Variants in ADGRB1 observed in about 807,000 individuals in gnomAD.
ADGRB1 encodes adhesion G protein-coupled receptor B1.
A neutral mutation model predicts 175.7 loss-of-function variants in ADGRB1; 36 were observed. That is an observed-to-expected ratio of 0.20 (90% CI 0.16 to 0.27). The LOEUF is 0.27. Among genes scored for constraint, ADGRB1 ranks in the 10% least tolerant of loss-of-function variants. The pLI, the probability that ADGRB1 is intolerant of heterozygous loss-of-function variation, is 1.00. For synonymous variants in ADGRB1, 1,054 were observed against 979.4 expected (o/e 1.08, Z -1.42); for missense variants, 1,731 against 2,255.3 (o/e 0.77, Z 4.71).
intron 9 of ADGRB1, among the ~76,000 whole-genome samples, chr8:142,480,032 G>T (rs542571872): frequency 5.2e-4 from 79 of 152,330 alleles, no homozygotes; most frequent in African/African-American, 1.9e-3. Context: ...AACGCAAGAT[G>T]TCCACGGAGT....
Position 142,536,097 on chromosome 8 carries a change from G to A in ADGRB1, c.3571-890G>A, listed in dbSNP as rs573206502. ...CAGGGCCACAGGTCTGTGGTTGAGTGGGTGGGTAGGTAGGTGGGTGCCTGG... is the reference window on the plus strand; with the variant it reads ...CAGGGCCACAGGTCTGTGGTTGAGTAGGTGGGTAGGTAGGTGGGTGCCTGG... On this transcript the variant is annotated intron_variant, in intron 25 of 30. Coordinates refer to ENST00000517894, the MANE Select transcript of ADGRB1 (RefSeq NM_001702.3). Among the ~76,000 whole-genome samples, 256 of 152,248 alleles carry A rather than the reference G, an allele frequency of 1.7e-3. 1 individual carries two copies. Among genetic ancestry groups the A allele is most frequent in the Non-Finnish European group, 4.6e-4 (31 of 68,002 alleles).
chr8:142,533,534 T>A (rs1844749228), intron 25 of ADGRB1, 68 bp downstream of exon 25: 2 of 1,483,220 alleles, frequency 1.3e-6, no homozygotes. Context: ...GGCCTCCTCC[T>A]TCCCCGAGGA....
At chr8:142,460,565 G>T (rs1039856919) in intron 1 of ADGRB1, among the ~76,000 whole-genome samples, 3 of 152,152 alleles carry the variant, frequency 2.0e-5, no homozygotes, top group African/African-American at 4.8e-5. Flanking sequence ...GGCCCCTGTG[G>T]TCCCTCCTGT....
rs1334162232 is a variant in ADGRB1 at position 142,541,809 on chromosome 8, C to G, written c.3707-132C>G. On this transcript the variant is annotated intron_variant, in intron 27 of 30. Coordinates refer to ENST00000517894, the MANE Select transcript of ADGRB1 (RefSeq NM_001702.3). ...AGTTGGCCCTCCGATCGGTACCCAG[C>G]AGGACCTGGCCAGGGTCTCCCAGGA... 5 of 971,720 alleles carry G rather than the reference C, an allele frequency of 5.1e-6. No individual in the cohort carries two copies. In the South Asian group the frequency reaches 6.7e-5, roughly 13 times the overall value. 60.2% of individuals were successfully genotyped at this position (971,720 alleles called of 1,614,324 possible).
chr8:142,539,328 C>A, intron 26 of ADGRB1, 46 bp from the exon 27 acceptor site: 1 of 1,553,940 alleles, frequency 6.4e-7, no homozygotes, highest in Non-Finnish European at 8.7e-7. Context: ...GCACACACCC[C>A]CGCTCCCAGA....
intron 1 of ADGRB1, among the ~76,000 whole-genome samples, chr8:142,458,742 A>G (rs1404107566): frequency 1.3e-5 from 2 of 152,170 alleles, no homozygotes; most frequent in Admixed American, 1.3e-4. Context: ...CACCAGAAAG[A>G]ACTTCCTGAC....
At chr8:142,486,260 A>G (rs758149261) in intron 13 of ADGRB1, among the ~76,000 whole-genome samples, 2 of 152,122 alleles carry the variant, frequency 1.3e-5, no homozygotes, top group African/African-American at 4.8e-5. Flanking sequence ...GCGGCTTCCC[A>G]TCGCATCTGT....
rs569933028 is a variant in ADGRB1 at position 142,529,628 on chromosome 8, G to A, written c.3398+3001G>A. Among the ~76,000 whole-genome samples, 24 of 151,268 alleles carry A rather than the reference G, an allele frequency of 1.6e-4. No homozygotes were observed. The East Asian group carries it at 1.8e-3, about 11-fold the overall frequency. On this transcript the variant is annotated intron_variant, in intron 24 of 30. Transcript: ENST00000517894. The stretch of plus-strand genomic sequence containing the variant: ...TGTGAGTGCAACCCAGTGTGCATAC[G>A]TGTGAGCATGCATCTGTATATGCGT...
At position 142,539,620 on chromosome 8, in the gene ADGRB1, C is replaced by T. The variant is rs766340659; in HGVS notation, c.3706+207C>T. On this transcript the variant is annotated intron_variant, in intron 27 of 30. Coordinates refer to ENST00000517894, the MANE Select transcript of ADGRB1 (RefSeq NM_001702.3). ...TCCACCCCCGTCCACTTCCTGAGGCCGAAGGAGGGTCCATGGGGCATGATC... is the reference window on the plus strand; with the variant it reads ...TCCACCCCCGTCCACTTCCTGAGGCTGAAGGAGGGTCCATGGGGCATGATC... The T allele has an allele frequency of 4.8e-4, 298 of 624,154 alleles. 1 individual carries two copies. Among genetic ancestry groups the T allele is most frequent in the Non-Finnish European group, 1.1e-4 (39 of 355,024 alleles). 38.7% of individuals were successfully genotyped at this position (624,154 alleles called of 1,614,324 possible).
chr8:142,451,643 C>T (rs1839356577), intron 1 of ADGRB1, among the ~76,000 whole-genome samples: 1 of 152,164 alleles, frequency 6.6e-6, no homozygotes, highest in African/African-American at 2.4e-5. Flanking sequence ...CCTCGGTACT[C>T]TCCCCACAGA....
In ADGRB1 at chr8:142,477,326, G is replaced by GGGCGAGGCAGCGGACT. The variant is rs1554607430; in HGVS notation, c.1222+49_1222+50insGCGAGGCAGCGGACTG. ...GCAGCGGACAGCCAGGGCAGCGGGGGGCCAGGGCAGCGGGGGCGGTGGCCG... is the reference window on the plus strand; with the variant it reads ...GCAGCGGACAGCCAGGGCAGCGGGGGGGCGAGGCAGCGGACTGCCAGGGCAGCGGGGGCGGTGGCCG... On this transcript the variant is annotated intron_variant, in intron 5 of 30. Transcript: ENST00000517894. 2.5e-6 allele frequency: 4 copies of GGGCGAGGCAGCGGACT among 1,586,446 alleles called. No individual in the cohort carries two copies. In the African/African-American group the frequency reaches 5.4e-5, roughly 21 times the overall value.
At position 142,482,826 on chromosome 8, in the gene ADGRB1, A is replaced by G. The variant is rs150389020; in HGVS notation, c.2130+1115A>G. On this transcript the variant is annotated intron_variant, in intron 11 of 30. Transcript: ENST00000517894. Reference sequence around the variant, plus strand: ...CACGCTGAGCCCTGACCCTGGTCACATGCTGAGCCCTAATCCTGGTCACGC... The same window carrying G: ...CACGCTGAGCCCTGACCCTGGTCACGTGCTGAGCCCTAATCCTGGTCACGC... 4.0e-3 allele frequency among the ~76,000 whole-genome samples: 596 copies of G among 149,460 alleles called. 6 individuals carry two copies. The highest frequency in any genetic ancestry group is 0.014 in the African/African-American group (564 of 40,486).
At chr8:142,536,511 C>T (rs1228683016) in intron 25 of ADGRB1, among the ~76,000 whole-genome samples, 1 of 152,168 alleles carries the variant, frequency 6.6e-6, no homozygotes, top group African/African-American at 2.4e-5. Flanking sequence ...GTGCTGTTCC[C>T]AGTGGGGTGG....
At position 142,464,180 on chromosome 8, in the gene ADGRB1, G is replaced by T; in HGVS notation, c.-19G>T. 1 of 1,146,174 alleles carries T rather than the reference G, an allele frequency of 8.7e-7. No individual in the cohort carries two copies. The highest frequency in any genetic ancestry group is 3.5e-5 in the South Asian group (1 of 28,856). 71.0% of individuals were successfully genotyped at this position (1,146,174 alleles called of 1,614,324 possible). A position where few individuals can be genotyped will look rare whatever the true frequency, so the allele number is the denominator to read the frequency against. On this transcript the variant is annotated 5_prime_UTR_variant, in exon 2 of 31. Transcript: ENST00000517894. The stretch of plus-strand genomic sequence containing the variant: ...CTGCCTGCCCAGCCCGCGGAACCCC[G>T]GCGGCCCCGCGAGCTAGGATGAGGG...
In ADGRB1 at chr8:142,510,324, G is replaced by C. The variant is rs559073800; in HGVS notation, c.2676-608G>C. ...CGCGGGGAAGGCTGTGTCTGTCCCA[G>C]GAGATGAGCCGCAGGCACCAGGGGT... On this transcript the variant is annotated intron_variant, in intron 17 of 30. Transcript: ENST00000517894. The surrounding 1 kb of genome is among the most constrained non-coding windows in gnomAD (Gnocchi z 6.3). Among the ~76,000 whole-genome samples, 84 of 152,128 alleles carry C rather than the reference G, an allele frequency of 5.5e-4. No homozygotes were observed. The highest frequency in any genetic ancestry group is 1.9e-3 in the African/African-American group (79 of 41,544).
At chr8:142,518,061 C>A in intron 18 of ADGRB1, 77 bp from the exon 19 acceptor site, 3 of 1,427,156 alleles carry the variant, frequency 2.1e-6, no homozygotes, top group Non-Finnish European at 2.0e-6. Context: ...TGCGGGCTCT[C>A]GGGTCTCAGT....
At chr8:142,494,840 T>C (rs940665638) in intron 17 of ADGRB1, among the ~76,000 whole-genome samples, 9 of 151,824 alleles carry the variant, frequency 5.9e-5, no homozygotes, top group African/African-American at 2.2e-4. Context: ...GCTGAGGGCC[T>C]GGGGAATGGG....
At position 142,510,057 on chromosome 8, in the gene ADGRB1, A is replaced by AGGAGGAGGAGGAAGAGGAGGC. The variant is rs1842999400; in HGVS notation, c.2676-865_2676-845dup. Among the ~76,000 whole-genome samples, 1 of 151,900 alleles carries AGGAGGAGGAGGAAGAGGAGGC rather than the reference A, an allele frequency of 6.6e-6. No homozygotes were observed. The highest frequency in any genetic ancestry group is 1.9e-4 in the East Asian group (1 of 5,150). ...GGGTGGGGGAATTCGGCTCCAAAGCAGGAGGAGGAGGAAGAGGAGGCGGAG... is the reference window on the plus strand; with the variant it reads ...GGGTGGGGGAATTCGGCTCCAAAGCAGGAGGAGGAGGAAGAGGAGGCGGAGGAGGAGGAAGAGGAGGCGGAG... On this transcript the variant is annotated intron_variant, in intron 17 of 30. Transcript: ENST00000517894. This position sits in a 1 kb window ranked among gnomAD's most constrained non-coding sequence, Gnocchi z 6.3.
Position 142,504,573 on chromosome 8 carries a change from A to G in ADGRB1, c.2676-6359A>G, listed in dbSNP as rs557687294. Among the ~76,000 whole-genome samples the G allele has an allele frequency of 2.6e-4, 39 of 152,232 alleles. No individual in the cohort carries two copies. The East Asian group carries it at 7.5e-3, about 29-fold the overall frequency. ...TGGCTGAGGGTCAGGAGCAATGCCC[A>G]GGAGCTCATGGAAGGGCAGGGGGGA... On this transcript the variant is annotated intron_variant, in intron 17 of 30. Transcript: ENST00000517894. This position sits in a 1 kb window ranked among gnomAD's most constrained non-coding sequence, Gnocchi z 5.6.
Sources: allele counts gnomAD v4.1 joint callset (sites outside exome capture counted in the v4.1 genomes callset), GRCh38; gene constraint gnomAD v4.1.1; non-coding constraint Gnocchi (gnomAD v3.1); transcripts MANE v1.5; gene names NCBI Gene and HGNC (gene_info 2026-07-23, HGNC 2026-07-21).